Variants in GPC5 observed in about 807,000 individuals in gnomAD.
The protein encoded by GPC5 is glypican 5.
A neutral mutation model predicts 53.9 loss-of-function variants in GPC5; 47 were observed. The observed-to-expected ratio is 0.87, with a 90% CI of 0.69 to 1.11. The LOEUF is 1.11. Ranked by LOEUF, GPC5 falls within the 50% of genes most tolerant of loss-of-function variation. GPC5 has a pLI of 0.00. For missense variants in GPC5, 748 were observed against 713.1 expected, an observed-to-expected ratio of 1.05 and a Z score of -0.56; for synonymous variants, 286 against 263.3, an observed-to-expected ratio of 1.09 and a Z score of -0.84.
intron 7 of GPC5, among the ~76,000 whole-genome samples, chr13:92,564,279 G>A (rs1027775858): frequency 3.3e-5 from 5 of 151,886 alleles, no homozygotes; most frequent in Admixed American, 3.3e-4. Context: ...AATAGGTTTT[G>A]CATGGATCCA....
At chr13:92,782,033 G>A (rs1168202878) in intron 7 of GPC5, among the ~76,000 whole-genome samples, 3 of 150,638 alleles carry the variant, frequency 2.0e-5, no homozygotes, top group Non-Finnish European at 4.4e-5. Context: ...ATAAGTGGAA[G>A]GAAAGGAAAG....
intron 4 of GPC5, among the ~76,000 whole-genome samples, chr13:91,751,579 G>A (rs2037177578): frequency 6.6e-6 from 1 of 152,150 alleles, no homozygotes; most frequent in Admixed American, 6.5e-5. Context: ...AGTTCTTAAA[G>A]CTTCAGCCTA....
At chr13:91,502,076 A>G (rs1884667273) in intron 2 of GPC5, among the ~76,000 whole-genome samples, 1 of 152,046 alleles carries the variant, frequency 6.6e-6, no homozygotes, top group Admixed American at 6.5e-5. Context: ...TCCTTTGCCC[A>G]CTTTTTGATG....
chr13:91,765,390 T>C (rs1208688753), intron 5 of GPC5, among the ~76,000 whole-genome samples: 2 of 152,232 alleles, frequency 1.3e-5, no homozygotes, highest in Admixed American at 6.5e-5. Context: ...TCATCTGCTT[T>C]TCATGTCTAG....
chr13:92,393,955 T>C lies in GPC5; in HGVS notation c.1561+248966T>C, dbSNP rs1875140535. 2.6e-5 allele frequency among the ~76,000 whole-genome samples: 4 copies of C among 152,312 alleles called. No homozygotes were observed. In the East Asian group the frequency reaches 7.7e-4, roughly 29 times the overall value. ...GTTATAGTCTTTAATTCAGATGAAC[T>C]TTGTTGGTATTCAAAAAACGTATGT... On this transcript the variant is annotated intron_variant, in intron 7 of 7. Transcript: ENST00000377067.
At chr13:92,235,655 AG>A (rs1274423334) in intron 7 of GPC5, among the ~76,000 whole-genome samples, 4 of 152,170 alleles carry the variant, frequency 2.6e-5, no homozygotes, top group Admixed American at 2.0e-4. Context: ...TTAAATGATT[AG>A]GAATGATAAG....
intron 6 of GPC5, among the ~76,000 whole-genome samples, chr13:91,986,361 G>A (rs921362008): frequency 1.3e-5 from 2 of 152,020 alleles, no homozygotes; most frequent in African/African-American, 2.4e-5. Context: ...CACCACGCCC[G>A]GCCGCCAATA....
At chr13:91,824,668 T>C (rs2038548560) in intron 5 of GPC5, among the ~76,000 whole-genome samples, 1 of 152,050 alleles carries the variant, frequency 6.6e-6, no homozygotes, top group African/African-American at 2.4e-5. Flanking sequence ...ATTTGGTTCA[T>C]GGCATACCTC....
At position 91,654,341 on chromosome 13, in the gene GPC5, T is replaced by A. The variant is rs557902589; in HGVS notation, c.326-38846T>A. ...ACTCATTACATTGACCACTGTATAA[T>A]TTTTTTAAAAATGGAAAATTCACAA... On this transcript the variant is annotated intron_variant, in intron 2 of 7. Transcript: ENST00000377067. 2.6e-5 allele frequency among the ~76,000 whole-genome samples: 4 copies of A among 152,262 alleles called. No homozygotes were observed. The East Asian group carries it at 5.8e-4, about 22-fold the overall frequency.
At chr13:92,028,637 A>G (rs1206991665) in intron 6 of GPC5, among the ~76,000 whole-genome samples, 2 of 152,188 alleles carry the variant, frequency 1.3e-5, no homozygotes, top group East Asian at 3.9e-4. Context: ...TTATGTTTGT[A>G]TTTTGTTTGT....
At chr13:92,796,219 G>A (rs918301738) in intron 7 of GPC5, among the ~76,000 whole-genome samples, 2 of 152,040 alleles carry the variant, frequency 1.3e-5, no homozygotes, top group South Asian at 4.1e-4. Context: ...GCAGGGACAT[G>A]GATGAAGCTG....
At chr13:91,444,518 T>C (rs1038040135) in intron 1 of GPC5, among the ~76,000 whole-genome samples, 12 of 152,210 alleles carry the variant, frequency 7.9e-5, no homozygotes, top group African/African-American at 2.7e-4. Context: ...TGAGACAGGC[T>C]TCAGCATAGC....
At chr13:92,742,246 G>C (rs1889119417) in intron 7 of GPC5, among the ~76,000 whole-genome samples, 1 of 151,206 alleles carries the variant, frequency 6.6e-6, no homozygotes, top group Non-Finnish European at 1.5e-5. Context: ...TCCAGCACCT[G>C]TTGTTTCCTG....
chr13:92,648,006 G>T (rs1372304901), intron 7 of GPC5, among the ~76,000 whole-genome samples: 1 of 151,728 alleles, frequency 6.6e-6, no homozygotes, highest in Non-Finnish European at 1.5e-5. Flanking sequence ...AGTACATATT[G>T]ATTGCATATA....
intron 5 of GPC5, among the ~76,000 whole-genome samples, chr13:91,888,388 A>G (rs572164782): frequency 3.3e-5 from 5 of 152,182 alleles, no homozygotes; most frequent in Non-Finnish European, 4.4e-5. Flanking sequence ...TGTCATTAAT[A>G]TCTAACAGGA....
At chr13:92,717,028 G>A (rs760963009) in intron 7 of GPC5, among the ~76,000 whole-genome samples, 2 of 151,922 alleles carry the variant, frequency 1.3e-5, no homozygotes, top group Non-Finnish European at 2.9e-5. Flanking sequence ...AAACAGAGAG[G>A]CTAAGAGTCA....
At chr13:91,455,402 A>T (rs1174621046) in intron 2 of GPC5, among the ~76,000 whole-genome samples, 1 of 152,152 alleles carries the variant, frequency 6.6e-6, no homozygotes, top group Non-Finnish European at 1.5e-5. Flanking sequence ...TACTGAACTG[A>T]TAATGATGTT....
chr13:92,709,580 T>C (rs1256004799), intron 7 of GPC5: 1 of 152,176 alleles, frequency 6.6e-6, no homozygotes, highest in Non-Finnish European at 1.5e-5. Flanking sequence ...CGACCTTCAG[T>C]GGCAGAGAGA....
intron 6 of GPC5, among the ~76,000 whole-genome samples, chr13:91,985,196 G>T (rs77022822): frequency 0.026 from 3,965 of 152,022 alleles, 176 homozygotes; most frequent in African/African-American, 0.091. Flanking sequence ...CCCTTTTATC[G>T]TTGTAAAGAG....
Sources: gnomAD v4.1 joint callset for allele counts (sites outside exome capture counted in the v4.1 genomes callset) on GRCh38, gnomAD v4.1.1 for gene constraint, MANE v1.5 for transcripts, NCBI Gene and HGNC (gene_info 2026-07-23, HGNC 2026-07-21) for gene names.